Variants in CD48 observed in about 807,000 individuals in gnomAD.
The protein encoded by CD48 is CD48 molecule.
CD48 carries 20 observed loss-of-function variants against 22.0 expected under a neutral mutation model. The observed-to-expected ratio is 0.91, with a 90% CI of 0.64 to 1.32. The LOEUF (loss-of-function observed/expected upper bound fraction) is 1.32. CD48 is among the 40% of genes most tolerant of loss of function. The probability of loss-of-function intolerance (pLI) is 0.00; values close to 1 mark genes in which losing one functional copy is unlikely to be tolerated. For synonymous variants in CD48, 110 were observed against 110.1 expected (o/e 1.00, Z 0.01); for missense variants, 307 against 286.5 (o/e 1.07, Z -0.52).
chr1:160,691,257 G>T (rs1031895387), intron 1 of CD48, among the ~76,000 whole-genome samples: 1 of 152,122 alleles, frequency 6.6e-6, no homozygotes, highest in African/African-American at 2.4e-5. Context: ...GTCTCTTGCA[G>T]TTGAGACAAG....
intron 1 of CD48, among the ~76,000 whole-genome samples, chr1:160,687,599 A>G (rs916215253): frequency 6.6e-6 from 1 of 152,200 alleles, no homozygotes; most frequent in South Asian, 2.1e-4. Flanking sequence ...CGGTCCCTCC[A>G]TTTGGGGTCC....
intron 2 of CD48, chr1:160,684,476 GA>G (rs1488980556): frequency 2.7e-6 from 1 of 367,232 alleles, no homozygotes; most frequent in Non-Finnish European, 4.9e-6. Flanking sequence ...TATGAAAGTT[GA>G]AAAATTCTCC....
At chr1:160,691,483 G>A (rs535905219) in intron 1 of CD48, among the ~76,000 whole-genome samples, 3 of 152,124 alleles carry the variant, frequency 2.0e-5, no homozygotes, top group African/African-American at 7.2e-5. Flanking sequence ...ATGATGCAAA[G>A]ACCTTTGTTC....
At chr1:160,707,915 T>A (rs1662839362) in intron 1 of CD48, among the ~76,000 whole-genome samples, 1 of 152,206 alleles carries the variant, frequency 6.6e-6, no homozygotes, top group Non-Finnish European at 1.5e-5. Flanking sequence ...TACTATGTGC[T>A]TGGCTCTGTA....
At chr1:160,704,783 T>C in intron 1 of CD48, among the ~76,000 whole-genome samples, 1 of 152,220 alleles carries the variant, frequency 6.6e-6, no homozygotes, top group Non-Finnish European at 1.5e-5. Flanking sequence ...TTTTGTTCTT[T>C]TATTATTTTT....
intron 3 of CD48, among the ~76,000 whole-genome samples, chr1:160,679,459 T>C (rs1258151918): frequency 6.6e-6 from 1 of 152,054 alleles, no homozygotes; most frequent in Non-Finnish European, 1.5e-5. Context: ...TACAGACAGA[T>C]GACCACATGA....
chr1:160,694,841 T>C (rs1301524751), intron 1 of CD48, among the ~76,000 whole-genome samples: 1 of 152,230 alleles, frequency 6.6e-6, no homozygotes, highest in African/African-American at 2.4e-5. Flanking sequence ...CAGTGGCCGC[T>C]ACCAAAACAA....
intron 1 of CD48, among the ~76,000 whole-genome samples, chr1:160,705,458 A>G (rs1183441316): frequency 6.6e-6 from 1 of 152,204 alleles, no homozygotes; most frequent in African/African-American, 2.4e-5. Context: ...GATGAAGGGG[A>G]TGTTAGAGAA....
intron 2 of CD48, 29 bp downstream of exon 2, chr1:160,684,858 G>A: frequency 6.2e-7 from 1 of 1,613,930 alleles, no homozygotes; most frequent in Non-Finnish European, 8.5e-7. Flanking sequence ...ACTGGAGTGG[G>A]GATTTGCTCT....
At chr1:160,702,675 G>A (rs1027855439) in intron 1 of CD48, among the ~76,000 whole-genome samples, 1 of 152,092 alleles carries the variant, frequency 6.6e-6, no homozygotes, top group Non-Finnish European at 1.5e-5. Flanking sequence ...CACAATTATA[G>A]CAGGCTCCAA....
At chr1:160,687,343 T>C (rs1662039926) in intron 1 of CD48, among the ~76,000 whole-genome samples, 1 of 152,216 alleles carries the variant, frequency 6.6e-6, no homozygotes, top group South Asian at 2.1e-4. Flanking sequence ...AATGCAATTA[T>C]CACATGGTCC....
intron 1 of CD48, among the ~76,000 whole-genome samples, chr1:160,703,783 G>A (rs1447353126): frequency 6.6e-6 from 1 of 152,172 alleles, no homozygotes; most frequent in Non-Finnish European, 1.5e-5. Context: ...AGACTTGGAG[G>A]AGAGAGGTGG....
Position 160,710,708 on chromosome 1 carries a change from G to A in CD48, c.82+974C>T, listed in dbSNP as rs79782425. 3.6e-3 allele frequency among the ~76,000 whole-genome samples: 554 copies of A among 152,212 alleles called. 6 individuals are homozygous for A. The highest frequency in any genetic ancestry group is 5.8e-3 in the Non-Finnish European group (397 of 68,022). ...TCAGGCCCACAGAACCTATATAGCC[G>A]TAGACTCACACAGTCATGAACCAAA... On this transcript the variant is annotated intron_variant, in intron 1 of 3. Transcript: ENST00000368046.
At chr1:160,684,804 G>GC in intron 2 of CD48, 83 bp downstream of exon 2, 1 of 1,613,964 alleles carries the variant, frequency 6.2e-7, no homozygotes, top group Non-Finnish European at 8.5e-7. Context: ...CCCCGAGAGT[G>GC]CCCCATGCCT....
chr1:160,682,974 T>C (rs1205964433), intron 2 of CD48, among the ~76,000 whole-genome samples: 2 of 152,204 alleles, frequency 1.3e-5, no homozygotes, highest in African/African-American at 4.8e-5. Flanking sequence ...AGCTTGCCTC[T>C]TGGTTGTATG....
chr1:160,688,516 T>G (rs745912293), intron 1 of CD48, among the ~76,000 whole-genome samples: 1 of 152,230 alleles, frequency 6.6e-6, no homozygotes, highest in Non-Finnish European at 1.5e-5. Flanking sequence ...ACTAACAGCA[T>G]GTAAGGAGGC....
chr1:160,711,789 C>T lies in CD48; in HGVS notation c.-26G>A, dbSNP rs374144710. ...GCTTCCTTCCAGAACTTCCCAGCAA[C>T]GCAGGAGACAGTTGAGAGCCTGGCT... On this transcript the variant is annotated 5_prime_UTR_variant, in exon 1 of 4. Coordinates refer to ENST00000368046, the MANE Select transcript of CD48 (RefSeq NM_001778.4). 1.9e-4 allele frequency: 296 copies of T among 1,577,184 alleles called. No homozygotes were observed. The highest frequency in any genetic ancestry group is 7.6e-4 in the South Asian group (69 of 90,298).
intron 1 of CD48, among the ~76,000 whole-genome samples, chr1:160,685,811 C>T (rs1396935117): frequency 6.6e-6 from 1 of 152,158 alleles, no homozygotes; most frequent in African/African-American, 2.4e-5. Context: ...ATCAATTTAA[C>T]GTGTAAGCAG....
chr1:160,698,621 T>C (rs1662515906), intron 1 of CD48, among the ~76,000 whole-genome samples: 1 of 152,140 alleles, frequency 6.6e-6, no homozygotes, highest in Non-Finnish European at 1.5e-5. Flanking sequence ...GCTCATGACC[T>C]TAGAACATCA....
Sources: gnomAD v4.1 joint callset for allele counts (sites outside exome capture counted in the v4.1 genomes callset) on GRCh38, gnomAD v4.1.1 for gene constraint, MANE v1.5 for transcripts, NCBI Gene and HGNC (gene_info 2026-07-23, HGNC 2026-07-21) for gene names.